Variants in SYNJ2 observed in about 807,000 individuals in gnomAD.
SYNJ2 encodes synaptojanin 2.
A neutral mutation model predicts 141.3 loss-of-function variants in SYNJ2; 116 were observed. The observed-to-expected ratio is 0.82, with a 90% CI of 0.71 to 0.96. The LOEUF (loss-of-function observed/expected upper bound fraction) is 0.96, where lower values mean the gene tolerates loss of function less well. SYNJ2 is among the 40% of genes least tolerant of loss of function. The pLI is 0.00. For missense variants in SYNJ2, 1,873 were observed against 1,934.8 expected (o/e 0.97, Z 0.60); for synonymous variants, 745 against 777.7 (o/e 0.96, Z 0.70).
intron 1 of SYNJ2, among the ~76,000 whole-genome samples, chr6:157,994,860 G>C (rs1360240101): frequency 6.6e-6 from 1 of 152,168 alleles, no homozygotes; most frequent in African/African-American, 2.4e-5. Flanking sequence ...GAAAATATTG[G>C]CAATTCTGAA....
At chr6:158,069,198 A>G (rs1182177596) in intron 13 of SYNJ2, among the ~76,000 whole-genome samples, 1 of 152,144 alleles carries the variant, frequency 6.6e-6, no homozygotes, top group Non-Finnish European at 1.5e-5. Flanking sequence ...ATATGAAGTC[A>G]ACTGGGCGCT....
intron 11 of SYNJ2, 21 bp from the exon 12 acceptor site, chr6:158,066,423 C>G (rs1164422190): frequency 1.1e-5 from 17 of 1,613,156 alleles, no homozygotes; most frequent in Non-Finnish European, 1.4e-5. Flanking sequence ...AAGAAATGTG[C>G]CTTTTTATGC....
At chr6:158,029,833 A>G (rs756647455) in intron 3 of SYNJ2, among the ~76,000 whole-genome samples, 1 of 152,200 alleles carries the variant, frequency 6.6e-6, no homozygotes, top group Non-Finnish European at 1.5e-5. Context: ...AATTATGCGG[A>G]GGCTCTGTTA....
intron 7 of SYNJ2, among the ~76,000 whole-genome samples, chr6:158,059,806 C>T (rs1020232882): frequency 1.3e-5 from 2 of 152,208 alleles, no homozygotes; most frequent in South Asian, 2.1e-4. Context: ...CCACCCGCCT[C>T]GGCCTCCCAA....
At chr6:158,032,590 G>A (rs1180418811) in intron 3 of SYNJ2, among the ~76,000 whole-genome samples, 1 of 152,230 alleles carries the variant, frequency 6.6e-6, no homozygotes, top group Non-Finnish European at 1.5e-5. Context: ...AAGGCTCGGC[G>A]TGAAGAGCGC....
intron 1 of SYNJ2, chr6:158,001,540 G>A (rs1387000194): frequency 6.6e-6 from 1 of 152,106 alleles, no homozygotes; most frequent in Non-Finnish European, 1.5e-5. Flanking sequence ...TGGGACTACA[G>A]GCGCCCGCCA....
At chr6:158,054,894 G>C in intron 5 of SYNJ2, 73 bp from the exon 6 acceptor site, 1 of 1,527,756 alleles carries the variant, frequency 6.5e-7, no homozygotes, top group Non-Finnish European at 9.0e-7. Flanking sequence ...GTAAGAAGGA[G>C]AATGGGAAAA....
In SYNJ2 at chr6:158,095,996, G is replaced by T; in HGVS notation, c.4123G>T (p.Gly1375Cys). ...CCCCTCTGGGCACCCACCTGCCGCG[G>T]GCACCGTCTTCCCACAAGGGGACTT... The part of the protein sequence containing the change: ...DSPSGHPPAA[G>C]TVFPQGDFLS... Residue 1375 changes from glycine to cysteine, a missense_variant, in exon 27 of 27, where the codon GGC becomes TGC. Gly to Cys is a radical substitution (Grantham distance 159). Coordinates refer to ENST00000355585, the MANE Select transcript of SYNJ2 (RefSeq NM_003898.4). 1 of 1,614,188 alleles carries T rather than the reference G, an allele frequency of 6.2e-7. No homozygotes were observed. Among genetic ancestry groups the T allele is most frequent in the Non-Finnish European group, 8.5e-7 (1 of 1,180,036 alleles).
At chr6:158,085,463 G>A (rs1782975290) in intron 22 of SYNJ2, among the ~76,000 whole-genome samples, 1 of 152,204 alleles carries the variant, frequency 6.6e-6, no homozygotes, top group Non-Finnish European at 1.5e-5. Context: ...TGAGCCCCGA[G>A]TTGGAGGACA....
At chr6:158,093,217 C>A in intron 26 of SYNJ2, 113 bp downstream of exon 26, 2 of 1,214,962 alleles carry the variant, frequency 1.6e-6, no homozygotes, top group Non-Finnish European at 2.3e-6. Flanking sequence ...AAGCGGATTA[C>A]GAGGTCAGGA....
intron 1 of SYNJ2, among the ~76,000 whole-genome samples, chr6:158,002,752 C>G (rs936078428): frequency 5.9e-5 from 9 of 152,200 alleles, no homozygotes; most frequent in African/African-American, 1.9e-4. Flanking sequence ...TTGGGGCTAC[C>G]AGGCCCAGTG....
Position 158,096,591 on chromosome 6 carries a change from G to T in SYNJ2, c.*227G>T. On this transcript the variant is annotated 3_prime_UTR_variant, in exon 27 of 27. Transcript: ENST00000355585. ...TGTACATCTGAAGTTTGCTCTTCAAGGAATGGGAACCTTCCTGTTAAATTC... is the reference window on the plus strand; with the variant it reads ...TGTACATCTGAAGTTTGCTCTTCAATGAATGGGAACCTTCCTGTTAAATTC... The T allele has an allele frequency of 2.3e-6, 1 of 440,510 alleles. No individual in the cohort carries two copies. Among genetic ancestry groups the T allele is most frequent in the Non-Finnish European group, 3.9e-6 (1 of 253,400 alleles). The allele number at this position is 440,510 out of a possible 1,614,324, so 27.3% of individuals were successfully genotyped here.
chr6:158,063,964 G>A, intron 9 of SYNJ2, 92 bp downstream of exon 9: 3 of 1,348,220 alleles, frequency 2.2e-6, no homozygotes, highest in Non-Finnish European at 3.1e-6. Context: ...GCGGCAAGAT[G>A]AGGGTGGCAT....
intron 1 of SYNJ2, among the ~76,000 whole-genome samples, chr6:157,997,083 G>T (rs1403820996): frequency 6.8e-6 from 1 of 146,244 alleles, no homozygotes; most frequent in African/African-American, 2.5e-5. Context: ...TCTGTGGCTG[G>T]AATACCCTGC....
chr6:158,042,486 A>G (rs950807783), intron 4 of SYNJ2, among the ~76,000 whole-genome samples: 2 of 152,232 alleles, frequency 1.3e-5, no homozygotes, highest in Non-Finnish European at 2.9e-5. Context: ...CCGCCCTGCC[A>G]GGCCAGGCTA....
At chr6:158,076,220 G>A (rs891554790) in intron 16 of SYNJ2, among the ~76,000 whole-genome samples, 10 of 152,106 alleles carry the variant, frequency 6.6e-5, no homozygotes, top group African/African-American at 2.4e-4. Flanking sequence ...TTCACTCTGC[G>A]CTTCTATGTA....
At chr6:157,993,317 A>G (rs766504045) in intron 1 of SYNJ2, among the ~76,000 whole-genome samples, 6 of 152,190 alleles carry the variant, frequency 3.9e-5, no homozygotes, top group Non-Finnish European at 8.8e-5. Context: ...CCTGTTTACC[A>G]TTTGTATTTC....
Position 158,033,506 on chromosome 6 carries a change from C to T in SYNJ2, c.537C>T (p.Asp179=), listed in dbSNP as rs1183188633. The change falls in exon 4 of 27, where the codon GAC becomes GAT. Residue 179 remains aspartate (D), a synonymous_variant. Coordinates refer to ENST00000355585, the MANE Select transcript of SYNJ2 (RefSeq NM_003898.4). ...PLRQHQVSCC[D]WLLKIICGVV... ...GGCAGCACCAGGTGAGCTGCTGTGA[C>T]TGGCTGCTGAAGATCATCTGCGGGG... 1 of 1,614,236 alleles carries T rather than the reference C, an allele frequency of 6.2e-7. No individual in the cohort carries two copies. The highest frequency in any genetic ancestry group is 1.7e-5 in the Admixed American group (1 of 60,030).
chr6:158,012,880 G>T (rs1374257363), intron 1 of SYNJ2, among the ~76,000 whole-genome samples: 1 of 152,140 alleles, frequency 6.6e-6, no homozygotes, highest in Non-Finnish European at 1.5e-5. Context: ...AGGGGCTTCT[G>T]CTGCTCTCAG....
Sources: gnomAD v4.1 joint callset for allele counts (sites outside exome capture counted in the v4.1 genomes callset) on GRCh38, gnomAD v4.1.1 for gene constraint, MANE v1.5 for transcripts, NCBI Gene and HGNC (gene_info 2026-07-23, HGNC 2026-07-21) for gene names.